ASIC2: variants seen among roughly 807,000 people sequenced by gnomAD.
ASIC2 encodes the protein acid sensing ion channel subunit 2, also known as acid-sensing ion channel 2.
Under a neutral mutation model 57.3 loss-of-function variants are expected in ASIC2, and 25 were observed. That is an observed-to-expected ratio of 0.44 (90% CI 0.32 to 0.61). The LOEUF is 0.61. Ranked by LOEUF, ASIC2 falls within the 20% of genes least tolerant of loss-of-function variation. The pLI, the probability that ASIC2 is intolerant of heterozygous loss-of-function variation, is 0.06. For missense variants in ASIC2, 641 were observed against 738.1 expected (o/e 0.87, Z 1.52); for synonymous variants, 319 against 307.5 (o/e 1.04, Z -0.39).
chr17:33,044,225 A>G (rs1270274010), intron 3 of ASIC2, among the ~76,000 whole-genome samples: 2 of 151,412 alleles, frequency 1.3e-5, no homozygotes, highest in African/African-American at 2.4e-5. Flanking sequence ...CCATCCACCC[A>G]CCCACCCATT....
At chr17:33,748,282 G>A (rs1288179423) in intron 1 of ASIC2, among the ~76,000 whole-genome samples, 1 of 152,182 alleles carries the variant, frequency 6.6e-6, no homozygotes, top group African/African-American at 2.4e-5. Context: ...CATGCAAACT[G>A]CCACCTCCCA....
At chr17:33,765,910 T>C (rs1461485578) in intron 1 of ASIC2, among the ~76,000 whole-genome samples, 2 of 152,318 alleles carry the variant, frequency 1.3e-5, no homozygotes, top group African/African-American at 4.8e-5. Flanking sequence ...TGCAGTATCT[T>C]ATGACCTTTC....
chr17:33,351,114 C>T (rs1908157920), intron 1 of ASIC2, among the ~76,000 whole-genome samples: 1 of 152,204 alleles, frequency 6.6e-6, no homozygotes, highest in Non-Finnish European at 1.5e-5. Context: ...TGTGACTTGA[C>T]AAGGTACTTG....
chr17:33,793,116 C>T (rs116203325), intron 1 of ASIC2, among the ~76,000 whole-genome samples: 136 of 152,328 alleles, frequency 8.9e-4, no homozygotes, highest in African/African-American at 3.2e-3. Flanking sequence ...GAGCCTTTAA[C>T]TGAAATGTTG....
intron 1 of ASIC2, among the ~76,000 whole-genome samples, chr17:33,189,284 T>C (rs1312545284): frequency 1.3e-5 from 2 of 151,846 alleles, no homozygotes; most frequent in Non-Finnish European, 2.9e-5. Flanking sequence ...TGAGAAACCC[T>C]GTTCTACAGC....
chr17:34,145,479 G>A (rs1029309846), intron 1 of ASIC2, among the ~76,000 whole-genome samples: 2 of 152,160 alleles, frequency 1.3e-5, no homozygotes, highest in African/African-American at 4.8e-5. Context: ...ATCCACATCT[G>A]CAGCATTGCC....
rs575759781 is a variant in ASIC2 at position 33,964,603 on chromosome 17, T to G, written c.555+191375A>C. Among the ~76,000 whole-genome samples the G allele has an allele frequency of 2.0e-5, 3 of 152,348 alleles. No individual in the cohort carries two copies. In the East Asian group the frequency reaches 5.8e-4, roughly 29 times the overall value. The stretch of plus-strand genomic sequence containing the variant: ...GAAGTAGGTGAACTTGCTGATTTCT[T>G]TCACTTTCATCCTTGTGTCATTAGA... On this transcript the variant is annotated intron_variant, in intron 1 of 9. Coordinates refer to the ASIC2 transcript ENST00000359872.
chr17:34,096,278 G>A (rs1390296356), intron 1 of ASIC2, among the ~76,000 whole-genome samples: 1 of 152,172 alleles, frequency 6.6e-6, no homozygotes, highest in Non-Finnish European at 1.5e-5. Context: ...GAAAGGAGGA[G>A]AAGACTGGAG....
At chr17:34,007,121 T>A (rs899212739) in intron 1 of ASIC2, among the ~76,000 whole-genome samples, 4 of 152,126 alleles carry the variant, frequency 2.6e-5, no homozygotes, top group African/African-American at 9.7e-5. Flanking sequence ...TCCTGGAAGG[T>A]AACAGCAGCC....
chr17:33,504,158 G>A (rs569564914), intron 1 of ASIC2, among the ~76,000 whole-genome samples: 7 of 152,326 alleles, frequency 4.6e-5, no homozygotes, highest in African/African-American at 1.7e-4. Flanking sequence ...CTCTCCCTGT[G>A]AGTTTTCAGA....
intron 1 of ASIC2, among the ~76,000 whole-genome samples, chr17:34,040,405 G>T (rs1385387900): frequency 5.3e-4 from 51 of 95,406 alleles, no homozygotes; most frequent in African/African-American, 4.2e-3. Flanking sequence ...GGCAGGGGGG[G>T]TCCTGGGGGG....
At chr17:34,112,358 G>A (rs1911302069) in intron 1 of ASIC2, among the ~76,000 whole-genome samples, 1 of 149,768 alleles carries the variant, frequency 6.7e-6, no homozygotes, top group East Asian at 2.0e-4. Flanking sequence ...AGACATCCCT[G>A]ATAAATGTAT....
At chr17:33,068,179 A>C (rs918683158) in intron 3 of ASIC2, among the ~76,000 whole-genome samples, 5 of 152,198 alleles carry the variant, frequency 3.3e-5, no homozygotes, top group Non-Finnish European at 5.9e-5. Flanking sequence ...AGAGGGATGC[A>C]GGCCTAGGTT....
At chr17:33,425,187 C>G (rs997829186) in intron 1 of ASIC2, among the ~76,000 whole-genome samples, 1 of 152,196 alleles carries the variant, frequency 6.6e-6, no homozygotes, top group African/African-American at 2.4e-5. Context: ...AACTCAGTCT[C>G]TAAACTCCAT....
At chr17:33,033,818 G>T (rs1423859030) in intron 3 of ASIC2, among the ~76,000 whole-genome samples, 1 of 152,166 alleles carries the variant, frequency 6.6e-6, no homozygotes, top group Non-Finnish European at 1.5e-5. Context: ...ACCCATGGGT[G>T]CCCATGCATG....
chr17:33,487,159 C>T (rs1913600367), intron 1 of ASIC2, among the ~76,000 whole-genome samples: 1 of 152,066 alleles, frequency 6.6e-6, no homozygotes, highest in African/African-American at 2.4e-5. Context: ...TTTCTGGGAC[C>T]AAGAAGAATT....
intron 1 of ASIC2, among the ~76,000 whole-genome samples, chr17:33,905,290 T>C (rs1192018925): frequency 6.6e-6 from 1 of 152,150 alleles, no homozygotes; most frequent in Non-Finnish European, 1.5e-5. Flanking sequence ...CTCCTGCTTT[T>C]CTGACTGCAC....
chr17:33,710,345 C>A (rs568997492), intron 1 of ASIC2, among the ~76,000 whole-genome samples: 1 of 152,338 alleles, frequency 6.6e-6, no homozygotes, highest in African/African-American at 2.4e-5. Flanking sequence ...TTAGATCCCA[C>A]ACACACAAAG....
At chr17:33,770,929 T>G (rs1382669150) in intron 1 of ASIC2, among the ~76,000 whole-genome samples, 1 of 152,146 alleles carries the variant, frequency 6.6e-6, no homozygotes, top group Admixed American at 6.5e-5. Context: ...ATTCATTGTC[T>G]GGGTATTATT....
Sources: gnomAD v4.1 joint callset for allele counts (sites outside exome capture counted in the v4.1 genomes callset) on GRCh38, gnomAD v4.1.1 for gene constraint, MANE v1.5 for transcripts, NCBI Gene and HGNC (gene_info 2026-07-23, HGNC 2026-07-21) for gene names.